ATG7: variants seen among roughly 807,000 people sequenced by gnomAD.
ATG7 encodes the protein ubiquitin-like modifier-activating enzyme ATG7.
ATG7 carries 70 observed loss-of-function variants against 82.4 expected under a neutral mutation model. The observed-to-expected ratio is 0.85, with a 90% CI of 0.70 to 1.04. The LOEUF (loss-of-function observed/expected upper bound fraction) is 1.04. Ranked by LOEUF, ATG7 falls within the 50% of genes least tolerant of loss-of-function variation. ATG7 has a pLI of 0.00. For missense variants in ATG7, 792 were observed against 864.3 expected (o/e 0.92, Z 1.05); for synonymous variants, 287 against 313.0 (o/e 0.92, Z 0.88).
intron 20 of ATG7, among the ~76,000 whole-genome samples, chr3:11,482,138 G>T (rs944380240): frequency 6.6e-6 from 1 of 152,116 alleles, no homozygotes; most frequent in South Asian, 2.1e-4. Flanking sequence ...TCTGTGCTCC[G>T]CTCTGTCCCG....
At chr3:11,303,584 T>C (rs1341752403) in intron 5 of ATG7, among the ~76,000 whole-genome samples, 6 of 148,684 alleles carry the variant, frequency 4.0e-5, no homozygotes, top group African/African-American at 7.5e-5. Context: ...AGGAGAATGG[T>C]GTGAACCCGG....
intron 14 of ATG7, among the ~76,000 whole-genome samples, chr3:11,356,213 T>C (rs1466058541): frequency 1.3e-5 from 2 of 152,252 alleles, no homozygotes; most frequent in Non-Finnish European, 2.9e-5. Context: ...TTCTATATCT[T>C]GATAGCTGTA....
intron 20 of ATG7, among the ~76,000 whole-genome samples, chr3:11,451,522 G>A (rs2085131148): frequency 6.6e-6 from 1 of 152,080 alleles, no homozygotes; most frequent in Non-Finnish European, 1.5e-5. Context: ...ACAGGGCACT[G>A]GATGGTGTCT....
chr3:11,324,236 T>C (rs1339113790), intron 9 of ATG7, among the ~76,000 whole-genome samples: 1 of 152,194 alleles, frequency 6.6e-6, no homozygotes, highest in Non-Finnish European at 1.5e-5. Context: ...GAACTCCTAG[T>C]CAGTGATTAT....
intron 19 of ATG7, among the ~76,000 whole-genome samples, chr3:11,398,572 TAATA>T (rs1359818441): frequency 1.2e-4 from 19 of 152,298 alleles, no homozygotes; most frequent in Non-Finnish European, 7.4e-5. Context: ...AAGCAGTACT[TAATA>T]AAAATGTGGC....
intron 20 of ATG7, among the ~76,000 whole-genome samples, chr3:11,510,597 G>C (rs990484751): frequency 5.9e-5 from 9 of 152,098 alleles, no homozygotes; most frequent in African/African-American, 1.9e-4. Flanking sequence ...CACAGTAAAA[G>C]CAGGCTGTCA....
In ATG7 at chr3:11,357,662, G is replaced by A. The variant is rs1269948582; in HGVS notation, c.1285-756G>A. 5.3e-5 allele frequency among the ~76,000 whole-genome samples: 8 copies of A among 152,206 alleles called. No homozygotes were observed. The East Asian group carries it at 1.5e-3, about 29-fold the overall frequency. ...TCCATATGGAGATGTTTAACACTGAGGAAACAGAAGGGAGGGCAATTTGGA... is the reference window on the plus strand; with the variant it reads ...TCCATATGGAGATGTTTAACACTGAAGAAACAGAAGGGAGGGCAATTTGGA... On this transcript the variant is annotated intron_variant, in intron 14 of 20. Coordinates refer to ENST00000693202, the MANE Select transcript of ATG7 (RefSeq NM_001349232.2).
At chr3:11,450,118 G>C (rs1185495624) in intron 20 of ATG7, among the ~76,000 whole-genome samples, 1 of 152,166 alleles carries the variant, frequency 6.6e-6, no homozygotes, top group Non-Finnish European at 1.5e-5. Context: ...ATTGTACTAA[G>C]CATTTATTTG....
intron 20 of ATG7, among the ~76,000 whole-genome samples, chr3:11,517,849 A>T (rs1407709956): frequency 6.6e-6 from 1 of 152,230 alleles, no homozygotes. Context: ...TGCCAGCTAT[A>T]CAAGGGCACC....
intron 20 of ATG7, 29 bp from the exon 21 acceptor site, chr3:11,554,782 C>T (rs764762596): frequency 3.7e-6 from 6 of 1,612,186 alleles, no homozygotes; most frequent in South Asian, 1.1e-5. Flanking sequence ...TGGGACATCT[C>T]GGCTGAGCCT....
At chr3:11,569,382 G>A in the ATG7 span, among the ~76,000 whole-genome samples, 1 of 152,184 alleles carries the variant, frequency 6.6e-6, no homozygotes, top group South Asian at 2.1e-4. Flanking sequence ...GGCATGGCAG[G>A]TGCTCCCACC....
At chr3:11,422,769 T>TTTTGG (rs1386943052) in intron 19 of ATG7, among the ~76,000 whole-genome samples, 1 of 102,628 alleles carries the variant, frequency 9.7e-6, no homozygotes, top group African/African-American at 4.0e-5. Context: ...TTTTTTTTTT[T>TTTTGG]GGAGACAGAG....
At chr3:11,437,443 G>T (rs966521192) in intron 20 of ATG7, among the ~76,000 whole-genome samples, 4 of 152,146 alleles carry the variant, frequency 2.6e-5, no homozygotes, top group East Asian at 1.9e-4. Context: ...AGAAGACATC[G>T]CAGATAAAGG....
At chr3:11,544,516 A>G (rs982250280) in intron 20 of ATG7, among the ~76,000 whole-genome samples, 6 of 152,208 alleles carry the variant, frequency 3.9e-5, no homozygotes, top group African/African-American at 1.4e-4. Context: ...CAGTGAGGCC[A>G]GGAAGGGGAA....
At chr3:11,426,378 T>G (rs2082363290) in intron 19 of ATG7, among the ~76,000 whole-genome samples, 1 of 152,222 alleles carries the variant, frequency 6.6e-6, no homozygotes, top group Non-Finnish European at 1.5e-5. Context: ...AAATTATTTT[T>G]AAAAATATAT....
chr3:11,571,621 A>G, the ATG7 span, among the ~76,000 whole-genome samples: 1 of 152,140 alleles, frequency 6.6e-6, no homozygotes. Flanking sequence ...GAGCCATGAC[A>G]GAGCCACTGC....
At chr3:11,312,585 GC>G (rs1475417233) in intron 7 of ATG7, among the ~76,000 whole-genome samples, 3 of 152,220 alleles carry the variant, frequency 2.0e-5, no homozygotes, top group African/African-American at 7.2e-5. Context: ...AAAGTGAGCT[GC>G]CTGGTGTCTG....
intron 1 of ATG7, among the ~76,000 whole-genome samples, chr3:11,279,824 C>T (rs1222487762): frequency 2.0e-5 from 3 of 152,172 alleles, no homozygotes; most frequent in Non-Finnish European, 2.9e-5. Flanking sequence ...TCTGTACAAA[C>T]GCCAGGCTAT....
intron 19 of ATG7, among the ~76,000 whole-genome samples, chr3:11,412,006 T>C (rs2080952744): frequency 6.6e-6 from 1 of 151,674 alleles, no homozygotes; most frequent in Non-Finnish European, 1.5e-5. Context: ...CACCAGGGTA[T>C]TCTGTCTAGG....
Sources: allele counts gnomAD v4.1 joint callset (sites outside exome capture counted in the v4.1 genomes callset), GRCh38; gene constraint gnomAD v4.1.1; transcripts MANE v1.5; gene names NCBI Gene and HGNC (gene_info 2026-07-23, HGNC 2026-07-21).